Variants in SPRED2 observed in about 807,000 individuals in gnomAD.
The protein encoded by SPRED2 is sprouty-related, EVH1 domain-containing protein 2.
In SPRED2, 47 loss-of-function variants were observed where a neutral mutation model predicts 43.0. That is an observed-to-expected ratio of 1.09 (90% CI 0.87 to 1.40). The LOEUF (loss-of-function observed/expected upper bound fraction) is 1.40, where lower values mean the gene tolerates loss of function less well. Among genes scored for constraint, SPRED2 ranks in the 40% most tolerant of loss-of-function variants. SPRED2 has a pLI of 0.00. For synonymous variants in SPRED2, 225 were observed against 225.7 expected, an observed-to-expected ratio of 1.00 and a Z score of 0.03; for missense variants, 561 against 586.4, an observed-to-expected ratio of 0.96 and a Z score of 0.45.
In SPRED2 at chr2:65,400,302, T is replaced by C. The variant is rs1675854895; in HGVS notation, c.26+31660A>G. On this transcript the variant is annotated intron_variant, in intron 1 of 5. Coordinates refer to ENST00000356388, the MANE Select transcript of SPRED2 (RefSeq NM_181784.3). ...GGTTATATTTTCTTTCTTATAACTT[T>C]CTGCTTTATTCCTATATTAAATATT... is the stretch of plus-strand genomic sequence containing the variant. 2.6e-5 allele frequency among the ~76,000 whole-genome samples: 4 copies of C among 152,272 alleles called. No individual in the cohort carries two copies. The South Asian group carries it at 8.3e-4, about 32-fold the overall frequency.
At chr2:65,390,764 C>A (rs948071618) in intron 1 of SPRED2, among the ~76,000 whole-genome samples, 1 of 152,134 alleles carries the variant, frequency 6.6e-6, no homozygotes, top group African/African-American at 2.4e-5. Context: ...TTTTCTAGAA[C>A]AAGTCACGTT....
At chr2:65,427,210 T>C (rs1676576588) in intron 1 of SPRED2, among the ~76,000 whole-genome samples, 1 of 152,076 alleles carries the variant, frequency 6.6e-6, no homozygotes. Context: ...TAGCTGGGAC[T>C]ACAGGTGTGC....
chr2:65,392,125 T>G (rs1001972954), intron 1 of SPRED2, among the ~76,000 whole-genome samples: 2 of 151,864 alleles, frequency 1.3e-5, no homozygotes, highest in African/African-American at 4.8e-5. Flanking sequence ...TGCACAAACT[T>G]ATGTTTCGAA....
At chr2:65,338,837 C>T in intron 2 of SPRED2, among the ~76,000 whole-genome samples, 1 of 151,648 alleles carries the variant, frequency 6.6e-6, no homozygotes, top group Admixed American at 6.6e-5. Context: ...GGCCGCCATC[C>T]CACCTGGGAA....
intron 1 of SPRED2, among the ~76,000 whole-genome samples, chr2:65,417,070 G>A (rs1676293341): frequency 1.3e-5 from 2 of 151,986 alleles, no homozygotes; most frequent in Admixed American, 1.3e-4. Context: ...TCACAACAAT[G>A]TGCCAAAACC....
chr2:65,399,694 A>G (rs1384962719), intron 1 of SPRED2, among the ~76,000 whole-genome samples: 1 of 152,096 alleles, frequency 6.6e-6, no homozygotes, highest in African/African-American at 2.4e-5. Context: ...ACTGGAAACT[A>G]TTATTCTAAG....
intron 1 of SPRED2, among the ~76,000 whole-genome samples, chr2:65,406,871 C>A (rs1235254892): frequency 1.3e-5 from 2 of 152,084 alleles, no homozygotes; most frequent in Non-Finnish European, 2.9e-5. Context: ...AAGCTGCCTG[C>A]CTTGGAGGCT....
chr2:65,331,180 CT>C (rs1218961604), intron 4 of SPRED2, among the ~76,000 whole-genome samples: 1 of 152,104 alleles, frequency 6.6e-6, no homozygotes, highest in African/African-American at 2.4e-5. Flanking sequence ...CTTTGAGAAG[CT>C]GAAGTTGGAG....
intron 1 of SPRED2, among the ~76,000 whole-genome samples, chr2:65,382,349 A>AT (rs1242812466): frequency 1.3e-5 from 2 of 152,190 alleles, no homozygotes; most frequent in Non-Finnish European, 2.9e-5. Flanking sequence ...TTTGGAAAGG[A>AT]TTTTTAGAAA....
intron 2 of SPRED2, among the ~76,000 whole-genome samples, chr2:65,338,420 GC>G (rs1276376629): frequency 6.6e-6 from 1 of 151,334 alleles, no homozygotes; most frequent in African/African-American, 2.4e-5. Context: ...GCCTCAGCCT[GC>G]CGAGTGCCTG....
chr2:65,378,156 C>T (rs763436428), intron 1 of SPRED2: 1 of 154,878 alleles, frequency 6.5e-6, no homozygotes, highest in African/African-American at 2.4e-5. Flanking sequence ...AGTTTAATTA[C>T]CCTGGGGTTA....
chr2:65,359,834 G>C (rs1031642351), intron 1 of SPRED2, among the ~76,000 whole-genome samples: 1 of 152,068 alleles, frequency 6.6e-6, no homozygotes, highest in African/African-American at 2.4e-5. Context: ...GGAGGCCAAG[G>C]AGGGTGGATT....
At chr2:65,322,292 A>ATTTTTTTTTTT (rs1490204181) in intron 4 of SPRED2, among the ~76,000 whole-genome samples, 2 of 70,828 alleles carry the variant, frequency 2.8e-5, no homozygotes, top group African/African-American at 1.4e-4. Context: ...ATATATATAT[A>ATTTTTTTTTTT]TATTTTTTTT....
At chr2:65,380,235 C>G (rs1675341377) in intron 1 of SPRED2, among the ~76,000 whole-genome samples, 1 of 152,158 alleles carries the variant, frequency 6.6e-6, no homozygotes, top group Non-Finnish European at 1.5e-5. Flanking sequence ...CTATGCAAGC[C>G]CCAAAGACAA....
At chr2:65,343,157 G>C (rs550165677) in intron 2 of SPRED2, among the ~76,000 whole-genome samples, 2 of 152,154 alleles carry the variant, frequency 1.3e-5, no homozygotes, top group South Asian at 4.1e-4. Context: ...CCGAAGGGCT[G>C]GATTATACTT....
At chr2:65,411,799 T>G (rs1676165966) in intron 1 of SPRED2, among the ~76,000 whole-genome samples, 1 of 152,112 alleles carries the variant, frequency 6.6e-6, no homozygotes, top group Non-Finnish European at 1.5e-5. Context: ...GAGGTGGCCT[T>G]TAGGATTGAG....
chr2:65,392,175 CTT>C (rs70943649), intron 1 of SPRED2, among the ~76,000 whole-genome samples: 19 of 98,726 alleles, frequency 1.9e-4, no homozygotes, highest in African/African-American at 3.0e-4. Flanking sequence ...TCCAGAATTT[CTT>C]TTTTTTTTTT....
chr2:65,407,245 C>CTTTTTT lies in SPRED2; in HGVS notation c.26+24711_26+24716dup, dbSNP rs70943650. Among the ~76,000 whole-genome samples the CTTTTTT allele has an allele frequency of 1.4e-4, 17 of 120,966 alleles. 3 individuals carry two copies. Among genetic ancestry groups the CTTTTTT allele is most frequent in the Admixed American group, 2.5e-4 (3 of 12,014 alleles). The allele number at this position is 120,966 out of a possible 152,430, so 79.4% of individuals were successfully genotyped here. The stretch of plus-strand genomic sequence containing the variant: ...TCTTTCTCAAATGGGGCGCTGGCTC[C>CTTTTTT]TTTTTTTTTTTTTGCTAAAAGTCCC... On this transcript the variant is annotated intron_variant, in intron 1 of 5. Coordinates refer to ENST00000356388, the MANE Select transcript of SPRED2 (RefSeq NM_181784.3).
intron 2 of SPRED2, among the ~76,000 whole-genome samples, chr2:65,339,097 T>TGGG (rs753578435): frequency 2.0e-5 from 1 of 48,824 alleles, no homozygotes; most frequent in Non-Finnish European, 3.6e-5. Context: ...GGAGGGAGGT[T>TGGG]GGGCGGGGGG....
Sources: gnomAD v4.1 joint callset for allele counts (sites outside exome capture counted in the v4.1 genomes callset) on GRCh38, gnomAD v4.1.1 for gene constraint, MANE v1.5 for transcripts, NCBI Gene and HGNC (gene_info 2026-07-23, HGNC 2026-07-21) for gene names.